The following DDX60L variants were observed in gnomAD, a reference collection of about 807,000 sequenced individuals.
The protein encoded by DDX60L is DExD/H-box 60 like.
A neutral mutation model predicts 211.6 loss-of-function variants in DDX60L; 191 were observed. The observed-to-expected ratio is 0.90, with a 90% confidence interval of 0.80 to 1.02. The LOEUF (loss-of-function observed/expected upper bound fraction) is 1.02, where lower values mean the gene tolerates loss of function less well. DDX60L is among the 50% of genes least tolerant of loss of function. The pLI is 0.00. For missense variants in DDX60L, 2,007 were observed against 1,984.1 expected, an observed-to-expected ratio of 1.01 and a Z score of -0.22; for synonymous variants, 706 against 694.1, an observed-to-expected ratio of 1.02 and a Z score of -0.27.
At chr4:168,479,129 TGGATG>T (rs1760021461) in intron 1 of DDX60L, among the ~76,000 whole-genome samples, 1 of 83,570 alleles carries the variant, frequency 1.2e-5, no homozygotes, top group Non-Finnish European at 2.8e-5. Flanking sequence ...GGATGATGGA[TGGATG>T]GATGGATGGA....
intron 1 of DDX60L, among the ~76,000 whole-genome samples, chr4:168,479,919 G>A (rs950970857): frequency 1.3e-5 from 2 of 149,658 alleles, no homozygotes; most frequent in African/African-American, 2.4e-5. Context: ...GGAAGGTGGA[G>A]GTTGCAGTGA....
At chr4:168,461,485 G>A (rs769761012) in intron 5 of DDX60L, among the ~76,000 whole-genome samples, 14 of 151,970 alleles carry the variant, frequency 9.2e-5, no homozygotes, top group Non-Finnish European at 1.8e-4. Context: ...CCTTATAGGA[G>A]TACCCTGAGA....
rs752663417 is a variant in DDX60L, at chr4:168,419,447, A to G, written c.2515-50T>C. On this transcript the variant is annotated intron_variant, in intron 18 of 37. Coordinates refer to ENST00000682922, the MANE Select transcript of DDX60L (RefSeq NM_001012967.3). ...GCTAACTTTATGGAGCATTAATTTT[A>G]TATCAGGCATAGTAATAGGAACCTA... 35 of 1,367,848 alleles carry G rather than the reference A, an allele frequency of 2.6e-5. 1 individual carries two copies. The South Asian group carries it at 3.6e-4, about 14-fold the overall frequency. 84.7% of individuals were successfully genotyped at this position (1,367,848 alleles called of 1,614,324 possible).
chr4:168,373,354 T>A (rs1246130025), intron 35 of DDX60L, among the ~76,000 whole-genome samples: 1 of 152,140 alleles, frequency 6.6e-6, no homozygotes, highest in African/African-American at 2.4e-5. Flanking sequence ...ATGAGGTCTA[T>A]GATCAATTTT....
chr4:168,379,403 C>A lies in DDX60L; in HGVS notation c.4323G>T (p.Lys1441Asn). 6.2e-7 allele frequency: 1 copy of A among 1,601,738 alleles called. No individual in the cohort carries two copies. The highest frequency in any genetic ancestry group is 8.5e-7 in the Non-Finnish European group (1 of 1,176,418). ...TACAGAGATTATGGAAAAGGCCTCTCTTGAGAAAATTTACAAAAACAAGAT... is the reference window on the plus strand; with the variant it reads ...TACAGAGATTATGGAAAAGGCCTCTATTGAGAAAATTTACAAAAACAAGAT... ...PSNLVFVNFL[K>N]RGLFHNLCKP... The change falls in exon 32 of 38, where the codon AAG becomes AAT. Residue 1441 changes from lysine to asparagine, a missense_variant. Lys to Asn is a moderately conservative substitution (Grantham distance 94, BLOSUM62 0). Transcript: ENST00000682922.
chr4:168,449,693 G>A (rs1473640272), intron 8 of DDX60L, among the ~76,000 whole-genome samples: 2 of 129,412 alleles, frequency 1.5e-5, no homozygotes, highest in African/African-American at 5.8e-5. Context: ...ACTAAATGAT[G>A]TGCTTGACTA....
intron 32 of DDX60L, among the ~76,000 whole-genome samples, chr4:168,378,704 C>T (rs1163267530): frequency 6.6e-6 from 1 of 152,032 alleles, no homozygotes; most frequent in Admixed American, 6.6e-5. Context: ...GCTATACCCG[C>T]CCTAGTTCCC....
chr4:168,441,527 G>T, intron 9 of DDX60L, 35 bp from the exon 10 acceptor site: 1 of 1,536,268 alleles, frequency 6.5e-7, no homozygotes, highest in Non-Finnish European at 8.9e-7. Flanking sequence ...AATCTCAAAA[G>T]TCATACACAT....
intron 4 of DDX60L, among the ~76,000 whole-genome samples, chr4:168,465,081 T>C (rs1661762441): frequency 1.3e-5 from 2 of 152,106 alleles, no homozygotes; most frequent in Admixed American, 1.3e-4. Context: ...CATACTGTTT[T>C]CCATAATTAC....
At chr4:168,421,378 G>A (rs1750573356) in intron 17 of DDX60L, among the ~76,000 whole-genome samples, 1 of 152,096 alleles carries the variant, frequency 6.6e-6, no homozygotes, top group Non-Finnish European at 1.5e-5. Flanking sequence ...ATAGTTTCTT[G>A]GCCGGGCACG....
At chr4:168,466,770 G>A (rs966330121) in intron 4 of DDX60L, among the ~76,000 whole-genome samples, 1 of 152,168 alleles carries the variant, frequency 6.6e-6, no homozygotes, top group Non-Finnish European at 1.5e-5. Context: ...AGAGTATCCA[G>A]GTGATGGATA....
chr4:168,362,161 C>CA (rs1288285398), intron 36 of DDX60L, among the ~76,000 whole-genome samples: 2 of 152,232 alleles, frequency 1.3e-5, no homozygotes, highest in Admixed American at 1.3e-4. Context: ...GAGGTGGCCC[C>CA]ACCTCCTGAA....
chr4:168,470,770 G>A lies in DDX60L; in HGVS notation c.264+977C>T, dbSNP rs552570758. On this transcript the variant is annotated intron_variant, in intron 4 of 37. Transcript: ENST00000682922. ...GAGTAGAATCACTTGAACCTAGGAG[G>A]TGGAGGTTGCAGTGAGCCGAGATCA... 6.1e-5 allele frequency: 12 copies of A among 196,176 alleles called. No homozygotes were observed. In the South Asian group the frequency reaches 7.4e-4, roughly 12 times the overall value. 12.2% of individuals were successfully genotyped at this position (196,176 alleles called of 1,614,324 possible).
In DDX60L at chr4:168,422,295, C is replaced by G. The variant is rs1750757015; in HGVS notation, c.2244+229G>C. On this transcript the variant is annotated intron_variant, in intron 16 of 37. Coordinates refer to ENST00000682922, the MANE Select transcript of DDX60L (RefSeq NM_001012967.3). ...TAGTAATGCCACATTAGCATGCCTT[C>G]ACATACAAACAGGTATCAGTATAAC... Among the ~76,000 whole-genome samples the G allele has an allele frequency of 2.0e-5, 3 of 152,144 alleles. No homozygotes were observed. In the South Asian group the frequency reaches 6.2e-4, roughly 32 times the overall value.
At chr4:168,421,439 C>T (rs758037662) in intron 17 of DDX60L, among the ~76,000 whole-genome samples, 9 of 152,168 alleles carry the variant, frequency 5.9e-5, no homozygotes, top group South Asian at 2.1e-4. Context: ...GTGGGTGGAT[C>T]ACCTGAGGTG....
intron 11 of DDX60L, 101 bp downstream of exon 11, chr4:168,432,909 A>G: frequency 1.5e-6 from 1 of 670,846 alleles, no homozygotes; most frequent in Non-Finnish European, 2.5e-6. Flanking sequence ...AATTTACCAT[A>G]TCCTGATATG....
chr4:168,404,055 C>T lies in DDX60L; in HGVS notation c.3265G>A (p.Asp1089Asn). The T allele has an allele frequency of 6.9e-7, 1 of 1,458,498 alleles. No individual in the cohort carries two copies. The highest frequency in any genetic ancestry group is 9.1e-7 in the Non-Finnish European group (1 of 1,093,016). The allele number at this position is 1,458,498 out of a possible 1,614,324, so 90.3% of individuals were successfully genotyped here. A position where few individuals can be genotyped will look rare whatever the true frequency, so the allele number is the denominator to read the frequency against. The change falls in exon 25 of 38, where the codon GAT becomes AAT. Residue 1089 changes from aspartate to asparagine, a missense_variant. Coordinates refer to ENST00000682922, the MANE Select transcript of DDX60L (RefSeq NM_001012967.3). ...LSPDSLSSSK[D>N]MVKMFPLLVE... Reference sequence around the variant, plus strand: ...AGAAGAGGAAACATTTTCACCATATCTTTTGAACTAGACAATGAATCCGGA... The same window carrying T: ...AGAAGAGGAAACATTTTCACCATATTTTTTGAACTAGACAATGAATCCGGA...
intron 13 of DDX60L, among the ~76,000 whole-genome samples, chr4:168,429,507 T>C (rs1297144046): frequency 6.6e-6 from 1 of 152,230 alleles, no homozygotes; most frequent in African/African-American, 2.4e-5. Flanking sequence ...TGTAATTCTT[T>C]GATGCATTAA....
In DDX60L at chr4:168,388,070, C is replaced by T. The variant is rs115242103; in HGVS notation, c.3916-3258G>A. 7.6e-3 allele frequency among the ~76,000 whole-genome samples: 1,165 copies of T among 152,348 alleles called. 3 individuals are homozygous for T. The highest frequency in any genetic ancestry group is 0.013 in the Non-Finnish European group (855 of 68,030). ...TGTACAGAAGAAATCATCAGTTCCA[C>T]AAATACCTTCAGCATCTCTTGTCAT... On this transcript the variant is annotated intron_variant, in intron 29 of 37. Coordinates refer to ENST00000682922, the MANE Select transcript of DDX60L (RefSeq NM_001012967.3).
Sources: gnomAD v4.1 joint callset for allele counts (sites outside exome capture counted in the v4.1 genomes callset) on GRCh38, gnomAD v4.1.1 for gene constraint, MANE v1.5 for transcripts, NCBI Gene and HGNC (gene_info 2026-07-23, HGNC 2026-07-21) for gene names.